Variants in CSMD3 observed in about 807,000 individuals in gnomAD.
CSMD3 encodes the protein CUB and Sushi multiple domains 3, also known as CUB and sushi domain-containing protein 3.
Under a neutral mutation model 435.2 loss-of-function variants are expected in CSMD3, and 177 were observed. The ratio of observed to expected loss-of-function variants is 0.41; its 90% confidence interval spans 0.36 to 0.46. CSMD3 has a LOEUF of 0.46. CSMD3 is among the 20% of genes least tolerant of loss of function. The probability of loss-of-function intolerance (pLI) is 0.34; values close to 1 mark genes in which losing one functional copy is unlikely to be tolerated. For missense variants in CSMD3, 4,265 were observed against 4,504.6 expected (o/e 0.95, Z 1.52); for synonymous variants, 1,656 against 1,520.5 (o/e 1.09, Z -2.07).
chr8:112,610,660 C>A (rs1586802327), intron 22 of CSMD3, among the ~76,000 whole-genome samples: 1 of 152,098 alleles, frequency 6.6e-6, no homozygotes, highest in Non-Finnish European at 1.5e-5. Flanking sequence ...TAAAGCAGGT[C>A]TTTTTTCCTA....
chr8:113,098,855 G>C lies in CSMD3; in HGVS notation c.818C>G (p.Ala273Gly), dbSNP rs371855136. The C allele has an allele frequency of 1.7e-4, 270 of 1,611,972 alleles. 3 individuals carry two copies. In the South Asian group the frequency reaches 2.7e-3, roughly 16 times the overall value. Residue 273 changes from alanine (A) to glycine (G), a missense_variant, in exon 5 of 71, where the codon GCA (alanine) becomes GGA (glycine). Coordinates refer to ENST00000297405, the MANE Select transcript of CSMD3 (RefSeq NM_198123.2). The part of the protein sequence containing the change: ...NNADCTWTIV[A>G]EPGDTISLIF... ...GAGTGAAATTGTGTCCCCAGGCTCTGCTACAATGGTCCAAGTGCAATCAGC... is the reference window on the plus strand; with the variant it reads ...GAGTGAAATTGTGTCCCCAGGCTCTCCTACAATGGTCCAAGTGCAATCAGC...
At chr8:112,356,319 G>A (rs767841018) in intron 38 of CSMD3, among the ~76,000 whole-genome samples, 2 of 152,204 alleles carry the variant, frequency 1.3e-5, no homozygotes, top group South Asian at 2.1e-4. Context: ...TAAATAATAT[G>A]CAGCCATAAA....
intron 3 of CSMD3, among the ~76,000 whole-genome samples, chr8:113,257,480 C>T (rs763860558): frequency 5.3e-5 from 8 of 152,078 alleles, no homozygotes; most frequent in Non-Finnish European, 4.4e-5. Context: ...ATGAAGTTTC[C>T]TCAAGAGTGG....
chr8:112,731,006 C>T (rs186492567), intron 13 of CSMD3, among the ~76,000 whole-genome samples: 1 of 152,012 alleles, frequency 6.6e-6, no homozygotes, highest in African/African-American at 2.4e-5. Context: ...AATTTAAACA[C>T]CAAATTAAGG....
intron 5 of CSMD3, among the ~76,000 whole-genome samples, chr8:113,042,823 T>C (rs2087678607): frequency 6.6e-6 from 1 of 152,192 alleles, no homozygotes; most frequent in Non-Finnish European, 1.5e-5. Flanking sequence ...CCCAGCCAGA[T>C]AAACCTTAAA....
At chr8:112,694,833 A>G (rs2076217302) in intron 13 of CSMD3, among the ~76,000 whole-genome samples, 1 of 152,172 alleles carries the variant, frequency 6.6e-6, no homozygotes, top group South Asian at 2.1e-4. Flanking sequence ...AAAATAAAAT[A>G]AGGATGGCCA....
intron 1 of CSMD3, among the ~76,000 whole-genome samples, chr8:113,416,339 A>G (rs1489067355): frequency 6.6e-6 from 1 of 152,058 alleles, no homozygotes; most frequent in African/African-American, 2.4e-5. Context: ...TCTTATAGCT[A>G]TATTATCTTG....
intron 14 of CSMD3, among the ~76,000 whole-genome samples, chr8:112,688,808 C>T (rs951716331): frequency 2.0e-5 from 3 of 151,798 alleles, no homozygotes; most frequent in Non-Finnish European, 4.4e-5. Context: ...AAAATGTTTT[C>T]TAGTATTCAA....
intron 1 of CSMD3, among the ~76,000 whole-genome samples, chr8:113,420,272 C>T (rs1180352017): frequency 6.6e-6 from 1 of 151,818 alleles, no homozygotes; most frequent in Non-Finnish European, 1.5e-5. Flanking sequence ...ATATAATTGT[C>T]AAATAAAATG....
intron 59 of CSMD3, among the ~76,000 whole-genome samples, chr8:112,276,248 T>C (rs1818027995): frequency 6.6e-6 from 1 of 152,234 alleles, no homozygotes; most frequent in African/African-American, 2.4e-5. Flanking sequence ...GTTCCCATCA[T>C]CTTGGGCAGC....
At chr8:112,946,986 T>G (rs2083631670) in intron 9 of CSMD3, among the ~76,000 whole-genome samples, 1 of 151,554 alleles carries the variant, frequency 6.6e-6, no homozygotes, top group South Asian at 2.1e-4. Flanking sequence ...ATAAATAAAA[T>G]GAATAAGTAA....
chr8:112,454,679 G>A (rs901438600), intron 32 of CSMD3, among the ~76,000 whole-genome samples: 1 of 152,036 alleles, frequency 6.6e-6, no homozygotes, highest in Non-Finnish European at 1.5e-5. Context: ...AAAACAGTTT[G>A]GAGATTTTCC....
At chr8:113,205,821 A>G (rs72687641) in intron 3 of CSMD3, among the ~76,000 whole-genome samples, 10,074 of 152,240 alleles carry the variant, frequency 0.066, 450 homozygotes, top group Non-Finnish European at 0.095. Flanking sequence ...ATAAGTAATG[A>G]TATACTATTT....
At chr8:113,053,078 T>G (rs544817283) in intron 5 of CSMD3, among the ~76,000 whole-genome samples, 1 of 152,112 alleles carries the variant, frequency 6.6e-6, no homozygotes, top group Non-Finnish European at 1.5e-5. Flanking sequence ...TGCCAACAAA[T>G]AGGCTTCCCC....
chr8:112,842,664 C>CTG (rs1361108812), intron 11 of CSMD3, among the ~76,000 whole-genome samples: 3 of 151,676 alleles, frequency 2.0e-5, no homozygotes, highest in Non-Finnish European at 4.4e-5. Flanking sequence ...TGGTGGTGAT[C>CTG]TGTGATTCAT....
At chr8:112,832,008 C>T (rs1477115583) in intron 11 of CSMD3, among the ~76,000 whole-genome samples, 2 of 152,008 alleles carry the variant, frequency 1.3e-5, no homozygotes, top group African/African-American at 4.8e-5. Context: ...TCACAGCTTC[C>T]TTGTTAGATT....
intron 14 of CSMD3, among the ~76,000 whole-genome samples, chr8:112,686,955 C>G (rs891567339): frequency 2.6e-5 from 4 of 152,038 alleles, no homozygotes; most frequent in South Asian, 2.1e-4. Flanking sequence ...ATTAATTGAA[C>G]TGTTCTTCTA....
intron 3 of CSMD3, among the ~76,000 whole-genome samples, chr8:113,278,076 G>A (rs1310985596): frequency 6.6e-6 from 1 of 151,756 alleles, no homozygotes; most frequent in Non-Finnish European, 1.5e-5. Context: ...CAAACTTCTA[G>A]GAAAAAGAAA....
intron 38 of CSMD3, among the ~76,000 whole-genome samples, chr8:112,369,950 GGGAGGA>G: frequency 1.1e-5 from 1 of 89,256 alleles, no homozygotes; most frequent in East Asian, 3.5e-4. Flanking sequence ...GAAGAAGAGG[GGGAGGA>G]GGAGGAGGAA....
Sources: gnomAD v4.1 joint callset for allele counts (sites outside exome capture counted in the v4.1 genomes callset) on GRCh38, gnomAD v4.1.1 for gene constraint, MANE v1.5 for transcripts, NCBI Gene and HGNC (gene_info 2026-07-23, HGNC 2026-07-21) for gene names.